The following DDI2 variants were observed in gnomAD, a reference collection of about 807,000 sequenced individuals.
DDI2 encodes the protein protein DDI1 homolog 2.
In DDI2, 5 loss-of-function variants were observed where a neutral mutation model predicts 48.1. The observed-to-expected ratio is 0.10, with a 90% confidence interval of 0.05 to 0.22. The LOEUF (loss-of-function observed/expected upper bound fraction) is 0.22. DDI2 is among the 10% of genes least tolerant of loss of function. The pLI is 1.00. For missense variants in DDI2, 285 were observed against 506.2 expected, an observed-to-expected ratio of 0.56 and a Z score of 4.19; for synonymous variants, 205 against 183.6, an observed-to-expected ratio of 1.12 and a Z score of -0.94.
At chr1:15,619,722 A>G (rs568429241) in intron 1 of DDI2, among the ~76,000 whole-genome samples, 57 of 151,908 alleles carry the variant, frequency 3.8e-4, no homozygotes, top group Non-Finnish European at 6.9e-4. Flanking sequence ...CGGCCTTCCA[A>G]AGTGCTGTGA....
At chr1:15,644,299 A>G (rs886424329) in intron 6 of DDI2, among the ~76,000 whole-genome samples, 3 of 152,216 alleles carry the variant, frequency 2.0e-5, no homozygotes, top group Non-Finnish European at 4.4e-5. Context: ...GTTGGATTAC[A>G]TGAATCCCTT....
chr1:15,621,638 G>A (rs1639669149), intron 1 of DDI2, among the ~76,000 whole-genome samples: 1 of 152,070 alleles, frequency 6.6e-6, no homozygotes, highest in South Asian at 2.1e-4. Flanking sequence ...TGCCTGCCTT[G>A]GCCTCCCAGA....
At chr1:15,631,987 G>A (rs1639853558) in intron 3 of DDI2, among the ~76,000 whole-genome samples, 1 of 151,854 alleles carries the variant, frequency 6.6e-6, no homozygotes, top group African/African-American at 2.4e-5. Context: ...TGTATTATTA[G>A]TAGAGATTGG....
chr1:15,622,367 T>C (rs1639679292), intron 1 of DDI2, among the ~76,000 whole-genome samples: 1 of 152,160 alleles, frequency 6.6e-6, no homozygotes, highest in Admixed American at 6.6e-5. Flanking sequence ...TTGTTAAGCT[T>C]TTTGTTAATA....
Position 15,630,401 on chromosome 1 carries a change from A to G in DDI2, c.345A>G (p.Thr115=). The G allele has an allele frequency of 6.2e-7, 1 of 1,614,248 alleles. No homozygotes were observed. The highest frequency in any genetic ancestry group is 8.5e-7 in the Non-Finnish European group (1 of 1,180,050). ...CCCGGCAGCGCCAGCCACCAGGAAC[A>G]CAGCAGTCCCACTCATCTCCTGGAG... ...SSPRQRQPPG[T]QQSHSSPGEI... is the part of the protein sequence containing the mutation. Residue 115 remains threonine, a synonymous_variant, in exon 3 of 10, where the codon ACA becomes ACG. Coordinates refer to ENST00000480945, the MANE Select transcript of DDI2 (RefSeq NM_032341.5).
In DDI2 at chr1:15,659,936, T is replaced by C. The variant is rs1360425960; in HGVS notation, c.*146T>C. ...CGTTCTTCAGGACAGAGTCCTGATG[T>C]TGGTAATCCTATGAGTCTTGCTCGC... On this transcript the variant is annotated 3_prime_UTR_variant, in exon 10 of 10. Transcript: ENST00000480945. 3 of 1,613,620 alleles carry C rather than the reference T, an allele frequency of 1.9e-6. No individual in the cohort carries two copies. The highest frequency in any genetic ancestry group is 2.5e-6 in the Non-Finnish European group (3 of 1,179,860).
At chr1:15,628,891 C>T (rs756934862) in intron 2 of DDI2, among the ~76,000 whole-genome samples, 2 of 152,176 alleles carry the variant, frequency 1.3e-5, no homozygotes, top group East Asian at 3.8e-4. Context: ...TAGACAACTA[C>T]AAGTCTACTT....
intron 9 of DDI2, among the ~76,000 whole-genome samples, chr1:15,659,582 A>G (rs1640327615): frequency 6.6e-6 from 1 of 152,236 alleles, no homozygotes; most frequent in South Asian, 2.1e-4. Flanking sequence ...ATGTGAATGC[A>G]TATTAATGGA....
intron 9 of DDI2, among the ~76,000 whole-genome samples, chr1:15,658,995 T>C (rs1640316840): frequency 6.6e-6 from 1 of 152,220 alleles, no homozygotes; most frequent in South Asian, 2.1e-4. Context: ...CTTAACTTAG[T>C]TGCACACTAT....
chr1:15,644,783 C>T (rs1434828118), intron 6 of DDI2, among the ~76,000 whole-genome samples: 16 of 151,620 alleles, frequency 1.1e-4, no homozygotes, highest in African/African-American at 2.9e-4. Flanking sequence ...TTAGTAGAGA[C>T]GGGGTTTCAC....
At chr1:15,653,028 T>A (rs970627149) in intron 8 of DDI2, among the ~76,000 whole-genome samples, 5 of 151,932 alleles carry the variant, frequency 3.3e-5, no homozygotes, top group African/African-American at 1.2e-4. Context: ...ACATTCTGTT[T>A]TTTAGTATTT....
chr1:15,626,725 C>A lies in DDI2; in HGVS notation c.195C>A (p.Gly65=), dbSNP rs766554026. 21 of 1,614,042 alleles carry A rather than the reference C, an allele frequency of 1.3e-5. No homozygotes were observed. In the South Asian group the frequency reaches 2.0e-4, roughly 15 times the overall value. The change falls in exon 2 of 10, where the codon GGC becomes GGA. Residue 65 remains glycine, a synonymous_variant. Coordinates refer to ENST00000480945, the MANE Select transcript of DDI2 (RefSeq NM_032341.5). ...ACCACAGATCATTGGCTTCTTATGG[C>A]TTGAAAGATGGGGACGTTGTGATTT... ...TDNHRSLASY[G]LKDGDVVILR... is the part of the protein sequence containing the mutation.
chr1:15,649,847 T>C, intron 7 of DDI2, 24 bp downstream of exon 7: 1 of 1,593,910 alleles, frequency 6.3e-7, no homozygotes, highest in Non-Finnish European at 8.5e-7. Flanking sequence ...TCACTTATTT[T>C]TTTTGCATCT....
chr1:15,657,492 G>C (rs1226193478), intron 9 of DDI2, among the ~76,000 whole-genome samples: 1 of 152,120 alleles, frequency 6.6e-6, no homozygotes, highest in Admixed American at 6.6e-5. Flanking sequence ...CTCTTCTCCT[G>C]TCATTCTGTA....
Position 15,617,765 on chromosome 1 carries a change from C to G in DDI2, c.95C>G (p.Ala32Gly). ...DADFELHNFR[A>G]LCELESGIPA... is the part of the protein sequence containing the mutation. ...GACTTCGAGCTGCACAACTTCCGCG[C>G]GCTGTGCGAGCTCGAGTCTGGCATC... Residue 32 changes from alanine to glycine, a missense_variant, in exon 1 of 10, where the codon GCG becomes GGG. Physicochemically the swap from Ala to Gly is moderately conservative, Grantham distance 60. Around this residue, in one of 3 missense-constraint regions of DDI2, gnomAD observed 149 missense variants for 236.5 expected, o/e 0.63. Coordinates refer to ENST00000480945, the MANE Select transcript of DDI2 (RefSeq NM_032341.5). 6.2e-7 allele frequency: 1 copy of G among 1,609,614 alleles called. No individual in the cohort carries two copies. Among genetic ancestry groups the G allele is most frequent in the Non-Finnish European group, 8.5e-7 (1 of 1,178,898 alleles).
At chr1:15,638,251 T>C in intron 4 of DDI2, 56 bp from the exon 5 acceptor site, 1 of 1,607,392 alleles carries the variant, frequency 6.2e-7, no homozygotes, top group Non-Finnish European at 8.5e-7. Flanking sequence ...ACTTTGAAAC[T>C]GATTTCTCTC....
chr1:15,641,183 T>C (rs2103471722), intron 5 of DDI2, among the ~76,000 whole-genome samples: 1 of 152,214 alleles, frequency 6.6e-6, no homozygotes, highest in East Asian at 1.9e-4. Flanking sequence ...TTGAAAATGG[T>C]GCTATTGGCC....
At chr1:15,639,345 T>G (rs1410005758) in intron 5 of DDI2, among the ~76,000 whole-genome samples, 2 of 152,084 alleles carry the variant, frequency 1.3e-5, no homozygotes, top group African/African-American at 2.4e-5. Context: ...GTTCCTAGAG[T>G]AGAAAAATTC....
At chr1:15,651,929 T>C (rs1640189625) in intron 8 of DDI2, 34 bp downstream of exon 8, 1 of 1,593,458 alleles carries the variant, frequency 6.3e-7, no homozygotes, top group African/African-American at 1.3e-5. Flanking sequence ...CAATACTTGT[T>C]ATTGATGGGT....
Sources: gnomAD v4.1 joint callset for allele counts (sites outside exome capture counted in the v4.1 genomes callset) on GRCh38, gnomAD v4.1.1 for gene constraint, gnomAD v4.1.1 regional missense constraint, MANE v1.5 for transcripts, NCBI Gene and HGNC (gene_info 2026-07-23, HGNC 2026-07-21) for gene names.